The following SLC6A15 variants were observed in gnomAD, a reference collection of about 807,000 sequenced individuals.
The protein encoded by SLC6A15 is sodium-dependent neutral amino acid transporter B(0)AT2.
SLC6A15 carries 33 observed loss-of-function variants against 68.5 expected under a neutral mutation model. The ratio of observed to expected loss-of-function variants is 0.48; its 90% CI spans 0.37 to 0.64. SLC6A15 has a LOEUF of 0.64. SLC6A15 is among the 30% of genes least tolerant of loss of function. The pLI is 0.00. For missense variants in SLC6A15, 747 were observed against 874.3 expected, an observed-to-expected ratio of 0.85 and a Z score of 1.84; for synonymous variants, 347 against 301.0, an observed-to-expected ratio of 1.15 and a Z score of -1.58.
intron 9 of SLC6A15, among the ~76,000 whole-genome samples, chr12:84,868,384 T>A (rs1424343971): frequency 6.6e-6 from 1 of 152,164 alleles, no homozygotes; most frequent in Non-Finnish European, 1.5e-5. Context: ...AGAGAAATGA[T>A]CCTGAAGAAC....
At position 84,911,763 on chromosome 12, in the gene SLC6A15, A is replaced by G. The variant is rs190815045; in HGVS notation, c.-189+760T>C. On this transcript the variant is annotated intron_variant, in intron 1 of 11. Transcript: ENST00000266682. ...ACCAGCCTAGTGAAAGAAAGGTAGA[A>G]ACGATCTGGGTTTCTAACTGCTTCC... 2.0e-5 allele frequency among the ~76,000 whole-genome samples: 3 copies of G among 152,234 alleles called. No homozygotes were observed. In the East Asian group the frequency reaches 5.8e-4, roughly 29 times the overall value.
rs761236092 is a variant in SLC6A15, at chr12:84,883,893, A to G, written c.722T>C (p.Leu241Ser). The G allele has an allele frequency of 6.2e-7, 1 of 1,614,124 alleles. No individual in the cohort carries two copies. Among genetic ancestry groups the G allele is most frequent in the South Asian group, 1.1e-5 (1 of 91,072 alleles). The change falls in exon 5 of 12, where the codon TTG becomes TCG. Residue 241 changes from leucine to serine, a missense_variant. Coordinates refer to ENST00000266682, the MANE Select transcript of SLC6A15 (RefSeq NM_182767.6). ...CLLAAWVMVCLAMIKGIQSSG... is the reference protein window; with the variant it reads ...CLLAAWVMVCSAMIKGIQSSG... ...AGACTGAATGCCTTTGATCATAGCC[A>G]AGCAAACCATGACCCAGGCAGCCAA...
Position 84,885,947 on chromosome 12 carries a change from G to A in SLC6A15, c.411C>T (p.Ser137=). The A allele has an allele frequency of 1.2e-6, 2 of 1,611,738 alleles. No individual in the cohort carries two copies. The highest frequency in any genetic ancestry group is 2.2e-5 in the East Asian group (1 of 44,812). ...CAAATCCAATCCCGCCCAGTTTAGG[G>A]CTTATGTAATTCCATACACCAATGC... The part of the protein sequence containing the change: ...RGSIGVWNYI[S]PKLGGIGFAS... Residue 137 remains serine, a synonymous_variant, in exon 3 of 12, where the codon AGC becomes AGT. Coordinates refer to ENST00000266682, the MANE Select transcript of SLC6A15 (RefSeq NM_182767.6).
intron 5 of SLC6A15, 88 bp downstream of exon 5, chr12:84,883,771 G>T (rs1322569685): frequency 6.2e-7 from 1 of 1,613,338 alleles, no homozygotes; most frequent in Non-Finnish European, 8.5e-7. Context: ...TGTGTGATTT[G>T]CCCACAGAAA....
intron 6 of SLC6A15, 33 bp downstream of exon 6, chr12:84,876,464 A>C (rs1269227697): frequency 9.3e-7 from 1 of 1,074,690 alleles, no homozygotes; most frequent in African/African-American, 1.6e-5. Flanking sequence ...TGCTTTCATG[A>C]TCATAAGCCT....
In SLC6A15 at chr12:84,875,916, A is replaced by G. The variant is rs1030795718; in HGVS notation, c.867+581T>C. The stretch of plus-strand genomic sequence containing the variant: ...TACAGAACTTCACAAGCTGATTACT[A>G]TAAATATTCTTCCAGAAGCTACAAA... On this transcript the variant is annotated intron_variant, in intron 6 of 11. Transcript: ENST00000266682. Among the ~76,000 whole-genome samples, 4 of 151,512 alleles carry G rather than the reference A, an allele frequency of 2.6e-5. No individual in the cohort carries two copies. In the Admixed American group the frequency reaches 2.6e-4, roughly 10 times the overall value.
intron 9 of SLC6A15, among the ~76,000 whole-genome samples, chr12:84,870,152 A>T (rs1223708641): frequency 6.6e-6 from 1 of 151,646 alleles, no homozygotes; most frequent in East Asian, 1.9e-4. Flanking sequence ...TTGTATAAAA[A>T]TTATACACAA....
At chr12:84,886,331 G>T (rs924351003) in intron 2 of SLC6A15, among the ~76,000 whole-genome samples, 8 of 152,058 alleles carry the variant, frequency 5.3e-5, no homozygotes, top group African/African-American at 1.9e-4. Context: ...TATTTAAAGA[G>T]TAAAACAGTT....
intron 5 of SLC6A15, chr12:84,882,311 T>C (rs145158696): frequency 1.0e-6 from 1 of 985,248 alleles, no homozygotes; most frequent in Non-Finnish European, 1.2e-6. Context: ...GGCTCTGACA[T>C]AGTGGAAGAC....
intron 2 of SLC6A15, among the ~76,000 whole-genome samples, chr12:84,887,583 TA>T (rs1161720772): frequency 1.3e-5 from 2 of 152,180 alleles, no homozygotes; most frequent in African/African-American, 4.8e-5. Context: ...ATTCTAATTC[TA>T]AAATGATTAG....
chr12:84,897,792 A>G (rs1414780660), intron 1 of SLC6A15, among the ~76,000 whole-genome samples: 2 of 152,162 alleles, frequency 1.3e-5, no homozygotes, highest in African/African-American at 4.8e-5. Flanking sequence ...ATGGAGGGAA[A>G]GACTACATAA....
In SLC6A15 at chr12:84,903,113, C is replaced by A. The variant is rs769017232; in HGVS notation, c.-189+9410G>T. Among the ~76,000 whole-genome samples the A allele has an allele frequency of 4.6e-5, 7 of 152,056 alleles. No homozygotes were observed. The East Asian group carries it at 1.3e-3, about 29-fold the overall frequency. ...CTCCATGTGCACCCTTCTGTGAAATCGTAATTATTTCAAAATTAATTATAA... is the reference window on the plus strand; with the variant it reads ...CTCCATGTGCACCCTTCTGTGAAATAGTAATTATTTCAAAATTAATTATAA... On this transcript the variant is annotated intron_variant, in intron 1 of 11. Transcript: ENST00000266682.
chr12:84,912,336 C>T (rs561700979), intron 1 of SLC6A15, among the ~76,000 whole-genome samples, 187 bp downstream of exon 1: 125 of 152,252 alleles, frequency 8.2e-4, no homozygotes, highest in African/African-American at 2.9e-3. Context: ...GGTTGCCCGC[C>T]CAGCCCAGCT....
Position 84,892,153 on chromosome 12 carries a change from A to AC in SLC6A15, c.-34_-33insG, listed in dbSNP as rs1872434219. 6.5e-7 allele frequency: 1 copy of AC among 1,546,130 alleles called. No homozygotes were observed. The highest frequency in any genetic ancestry group is 1.4e-5 in the African/African-American group (1 of 71,216). On this transcript the variant is annotated 5_prime_UTR_variant, in exon 2 of 12. Transcript: ENST00000266682. ...TATGCGAAGTATTTAAAAAAAAAAA[A>AC]AAAAACTCCCTTATGGCAAATGTGT...
In SLC6A15 at chr12:84,885,969, A is replaced by G. The variant is rs955174854; in HGVS notation, c.389T>C (p.Ile130Thr). The G allele has an allele frequency of 9.9e-6, 16 of 1,613,378 alleles. No individual in the cohort carries two copies. The African/African-American group carries it at 1.2e-4, about 12-fold the overall frequency. ...SVGQRIRRGS[I>T]GVWNYISPKL... ...AGGGCTTATGTAATTCCATACACCA[A>G]TGCTGCCTCGCCGAATTCTTTGACC... is the stretch of plus-strand genomic sequence containing the variant. The change falls in exon 3 of 12, where the codon ATT becomes ACT. Residue 130 changes from isoleucine to threonine, a missense_variant. Coordinates refer to ENST00000266682, the MANE Select transcript of SLC6A15 (RefSeq NM_182767.6).
At chr12:84,875,540 T>A (rs1412195037) in intron 6 of SLC6A15, among the ~76,000 whole-genome samples, 2 of 151,292 alleles carry the variant, frequency 1.3e-5, no homozygotes, top group Non-Finnish European at 2.9e-5. Context: ...TGCACATTCA[T>A]CCTTCAGATA....
intron 1 of SLC6A15, among the ~76,000 whole-genome samples, chr12:84,910,928 C>CGTGTGTGT (rs34335324): frequency 1.3e-4 from 18 of 143,546 alleles, no homozygotes; most frequent in Admixed American, 4.8e-4. Flanking sequence ...GCCCTCTTTC[C>CGTGTGTGT]GTGTGTGTGT....
Position 84,892,143 on chromosome 12 carries a change from A to T in SLC6A15, c.-23T>A, listed in dbSNP as rs747876792. On this transcript the variant is annotated 5_prime_UTR_variant, in exon 2 of 12. Transcript: ENST00000266682. Reference sequence around the variant, plus strand: ...CATTGGAGAGTATGCGAAGTATTTAAAAAAAAAAAAAAAAACTCCCTTATG... The same window carrying T: ...CATTGGAGAGTATGCGAAGTATTTATAAAAAAAAAAAAAAACTCCCTTATG... 8 of 1,186,318 alleles carry T rather than the reference A, an allele frequency of 6.7e-6. No individual in the cohort carries two copies. The highest frequency in any genetic ancestry group is 5.1e-5 in the African/African-American group (2 of 39,082). The allele number at this position is 1,186,318 out of a possible 1,614,324, so 73.5% of individuals were successfully genotyped here. A position where few individuals can be genotyped will look rare whatever the true frequency, so the allele number is the denominator to read the frequency against.
chr12:84,880,541 T>C (rs976869368), intron 5 of SLC6A15, among the ~76,000 whole-genome samples: 1 of 152,222 alleles, frequency 6.6e-6, no homozygotes, highest in African/African-American at 2.4e-5. Context: ...TTGTTAGTTG[T>C]ATTTCCAAAA....
Sources: gnomAD v4.1 joint callset for allele counts (sites outside exome capture counted in the v4.1 genomes callset) on GRCh38, gnomAD v4.1.1 for gene constraint, MANE v1.5 for transcripts, NCBI Gene and HGNC (gene_info 2026-07-23, HGNC 2026-07-21) for gene names.